GFOD1: variants seen among roughly 807,000 people sequenced by gnomAD.
GFOD1 encodes Gfo/Idh/MocA-like oxidoreductase domain containing 1, also known as glucose-fructose oxidoreductase domain-containing protein 1.
Under a neutral mutation model 25.4 loss-of-function variants are expected in GFOD1, and 9 were observed. That is an observed-to-expected ratio of 0.35 (90% CI 0.21 to 0.62). GFOD1 has a LOEUF of 0.62. GFOD1 is among the 20% of genes least tolerant of loss of function. The probability of loss-of-function intolerance (pLI) is 0.72; values close to 1 mark genes in which losing one functional copy is unlikely to be tolerated. For synonymous variants in GFOD1, 253 were observed against 245.6 expected (o/e 1.03, Z -0.28); for missense variants, 403 against 556.9 (o/e 0.72, Z 2.78).
At chr6:13,455,758 T>C (rs1194230402) in intron 1 of GFOD1, among the ~76,000 whole-genome samples, 1 of 152,176 alleles carries the variant, frequency 6.6e-6, no homozygotes, top group African/African-American at 2.4e-5. Context: ...CCTTGCCCCA[T>C]GACTTGCCTG....
intron 1 of GFOD1, among the ~76,000 whole-genome samples, chr6:13,459,187 C>T (rs975360067): frequency 6.6e-6 from 1 of 152,004 alleles, no homozygotes; most frequent in Non-Finnish European, 1.5e-5. Flanking sequence ...GAATAGAGAT[C>T]TCAGAAATAA....
intron 1 of GFOD1, among the ~76,000 whole-genome samples, chr6:13,443,919 G>A (rs1338808759): frequency 6.6e-6 from 1 of 151,430 alleles, no homozygotes; most frequent in Non-Finnish European, 1.5e-5. Context: ...ACCCTCTACC[G>A]GCAAAAGGAT....
chr6:13,384,262 C>CA (rs1477978055), intron 1 of GFOD1, among the ~76,000 whole-genome samples: 1 of 152,128 alleles, frequency 6.6e-6, no homozygotes, highest in Non-Finnish European at 1.5e-5. Context: ...TAAAATAAAA[C>CA]AAAAATGTTT....
intron 1 of GFOD1, among the ~76,000 whole-genome samples, chr6:13,381,668 A>G (rs967324453): frequency 2.6e-5 from 4 of 152,202 alleles, no homozygotes; most frequent in African/African-American, 9.7e-5. Flanking sequence ...GATGTCTCAG[A>G]CACTGCAATG....
intron 1 of GFOD1, among the ~76,000 whole-genome samples, chr6:13,397,684 C>T (rs1170403947): frequency 1.3e-5 from 2 of 152,166 alleles, no homozygotes; most frequent in Non-Finnish European, 2.9e-5. Context: ...AAATATTTGG[C>T]CAAGTACCAA....
intron 1 of GFOD1, among the ~76,000 whole-genome samples, chr6:13,391,574 G>T (rs367950807): frequency 4.0e-5 from 6 of 150,502 alleles, no homozygotes; most frequent in African/African-American, 1.2e-4. Flanking sequence ...GTACTATTTC[G>T]TAGAGTCCAT....
At chr6:13,465,328 T>C (rs1043076891) in intron 1 of GFOD1, among the ~76,000 whole-genome samples, 3 of 152,080 alleles carry the variant, frequency 2.0e-5, no homozygotes, top group African/African-American at 7.2e-5. Context: ...CAGGCAGGGG[T>C]TGGACAAGCT....
intron 1 of GFOD1, among the ~76,000 whole-genome samples, chr6:13,447,768 A>G (rs994418815): frequency 6.7e-6 from 1 of 148,644 alleles, no homozygotes; most frequent in African/African-American, 2.5e-5. Flanking sequence ...AAAAAAAAAA[A>G]AAAGAGTTTT....
intron 1 of GFOD1, among the ~76,000 whole-genome samples, chr6:13,455,155 C>T (rs1562224216): frequency 6.6e-6 from 1 of 152,070 alleles, no homozygotes; most frequent in African/African-American, 2.4e-5. Flanking sequence ...GGCTCTTGTC[C>T]CTGTAAGAAC....
chr6:13,427,645 T>C (rs767064225), intron 1 of GFOD1, among the ~76,000 whole-genome samples: 3 of 151,864 alleles, frequency 2.0e-5, no homozygotes, highest in Non-Finnish European at 4.4e-5. Flanking sequence ...AGTAAGAGCC[T>C]GTCTCAAAAA....
intron 1 of GFOD1, among the ~76,000 whole-genome samples, chr6:13,398,167 C>G (rs1038757973): frequency 5.3e-5 from 8 of 152,210 alleles, no homozygotes; most frequent in Non-Finnish European, 1.2e-4. Flanking sequence ...TCGGCTTCCT[C>G]ATCTTCAAAA....
At chr6:13,385,119 G>C (rs1405506364) in intron 1 of GFOD1, among the ~76,000 whole-genome samples, 3 of 152,158 alleles carry the variant, frequency 2.0e-5, no homozygotes, top group Non-Finnish European at 2.9e-5. Context: ...TATCTGCTCA[G>C]TAACCGGGAG....
intron 1 of GFOD1, among the ~76,000 whole-genome samples, chr6:13,372,050 G>A (rs1266973558): frequency 6.6e-6 from 1 of 152,182 alleles, no homozygotes; most frequent in African/African-American, 2.4e-5. Flanking sequence ...TCTTTTGAAG[G>A]CTTTGGGGCT....
rs1250583529 is a variant in GFOD1, at chr6:13,359,589, C to G, written c.*5154G>C. On this transcript the variant is annotated 3_prime_UTR_variant, in exon 2 of 2. Coordinates refer to ENST00000379287, the MANE Select transcript of GFOD1 (RefSeq NM_018988.4). ...GAGGTCATTGTTCACATTACAGTCA[C>G]AATGGGACATTTTAAACAGCTCGTT... 6.6e-6 allele frequency: 1 copy of G among 152,180 alleles called. No individual in the cohort carries two copies. The highest frequency in any genetic ancestry group is 1.5e-5 in the Non-Finnish European group (1 of 68,014). The allele number at this position is 152,180 out of a possible 1,614,324, so 9.4% of individuals were successfully genotyped here. A position where few individuals can be genotyped will look rare whatever the true frequency, so the allele number is the denominator to read the frequency against.
chr6:13,413,417 C>T (rs116605122), intron 1 of GFOD1, among the ~76,000 whole-genome samples: 2,151 of 152,296 alleles, frequency 0.014, 14 homozygotes, highest in Non-Finnish European at 0.024. Flanking sequence ...GTAATGAGCA[C>T]ACATGCCTCA....
chr6:13,457,289 G>A (rs1004972460), intron 1 of GFOD1, among the ~76,000 whole-genome samples: 1 of 152,174 alleles, frequency 6.6e-6, no homozygotes, highest in African/African-American at 2.4e-5. Context: ...TGTCTAGAAA[G>A]TTCTACAATA....
At chr6:13,377,064 GT>G (rs1451505750) in intron 1 of GFOD1, among the ~76,000 whole-genome samples, 1 of 149,772 alleles carries the variant, frequency 6.7e-6, no homozygotes. Flanking sequence ...ACAGTCCTAA[GT>G]TTTGGTCTCA....
intron 1 of GFOD1, among the ~76,000 whole-genome samples, chr6:13,409,684 G>A (rs1164691640): frequency 6.6e-6 from 1 of 152,192 alleles, no homozygotes; most frequent in Non-Finnish European, 1.5e-5. Flanking sequence ...CACTTTGGAA[G>A]CCCGAGATGG....
At chr6:13,424,979 G>T (rs1284798935) in intron 1 of GFOD1, among the ~76,000 whole-genome samples, 10 of 104,094 alleles carry the variant, frequency 9.6e-5, no homozygotes, top group Non-Finnish European at 1.4e-4. Flanking sequence ...TTTTTTTTGA[G>T]ATAGGGTCTC....
Sources: allele counts gnomAD v4.1 joint callset (sites outside exome capture counted in the v4.1 genomes callset), GRCh38; gene constraint gnomAD v4.1.1; transcripts MANE v1.5; gene names NCBI Gene and HGNC (gene_info 2026-07-23, HGNC 2026-07-21).